The following ANKS1A variants were observed in gnomAD, a reference collection of about 807,000 sequenced individuals.
ANKS1A encodes ankyrin repeat and sterile alpha motif domain containing 1A.
Under a neutral mutation model 120.3 loss-of-function variants are expected in ANKS1A, and 55 were observed. The observed-to-expected ratio is 0.46, with a 90% CI of 0.37 to 0.57. The LOEUF (loss-of-function observed/expected upper bound fraction) is 0.57. Ranked by LOEUF, ANKS1A falls within the 20% of genes least tolerant of loss-of-function variation. The pLI is 0.00. For missense variants in ANKS1A, 1,123 were observed against 1,480.3 expected (o/e 0.76, Z 3.96); for synonymous variants, 590 against 604.7 (o/e 0.98, Z 0.36).
chr6:35,004,331 T>A (rs1316140526), intron 10 of ANKS1A, among the ~76,000 whole-genome samples: 1 of 152,110 alleles, frequency 6.6e-6, no homozygotes, highest in Admixed American at 6.5e-5. Flanking sequence ...TTTTTTAAAT[T>A]ACATTTTTAG....
rs141436461 is a variant in ANKS1A at position 35,081,059 on chromosome 6, G to A, written c.2610G>A (p.Ser870=). The part of the protein sequence containing the change: ...LSQNDSCTGR[S]ADLLLPPGDT... ...AGAATGATTCCTGCACTGGGCGGTCGGCAGATCTGCTGCTGCCTCCAGGGG... is the reference window on the plus strand; with the variant it reads ...AGAATGATTCCTGCACTGGGCGGTCAGCAGATCTGCTGCTGCCTCCAGGGG... Residue 870 remains serine, a synonymous_variant, in exon 17 of 24, where the codon TCG becomes TCA. Coordinates refer to ENST00000360359, the MANE Select transcript of ANKS1A (RefSeq NM_015245.3). The A allele has an allele frequency of 6.7e-5, 108 of 1,614,010 alleles. 1 individual carries two copies. The African/African-American group carries it at 7.3e-4, about 11-fold the overall frequency.
intron 13 of ANKS1A, among the ~76,000 whole-genome samples, chr6:35,066,981 T>G (rs80356191): frequency 0.027 from 4,054 of 152,134 alleles, 65 homozygotes; most frequent in Middle Eastern, 0.058. Flanking sequence ...GGCAGGCGGT[T>G]CCACTCTTGT....
intron 8 of ANKS1A, 105 bp downstream of exon 8, chr6:34,985,383 G>A (rs1772141935): frequency 4.2e-6 from 5 of 1,181,988 alleles, no homozygotes; most frequent in Admixed American, 4.9e-5. Context: ...GCCAGCTCAT[G>A]TTTCCGGGGC....
Position 35,090,234 on chromosome 6 carries a change from T to G in ANKS1A, c.*1625T>G, listed in dbSNP as rs867135958. ...CATTTCCTGCCCCTTTCAGGGCCTG[T>G]GAGGATGCCCATGAGCTACCGCTGT... On this transcript the variant is annotated 3_prime_UTR_variant, in exon 24 of 24. Coordinates refer to ENST00000360359, the MANE Select transcript of ANKS1A (RefSeq NM_015245.3). 2.3e-6 allele frequency: 3 copies of G among 1,289,640 alleles called. No individual in the cohort carries two copies. The African/African-American group carries it at 4.5e-5, about 20-fold the overall frequency. 79.9% of individuals were successfully genotyped at this position (1,289,640 alleles called of 1,614,324 possible). A position where few individuals can be genotyped will look rare whatever the true frequency, so the allele number is the denominator to read the frequency against.
intron 10 of ANKS1A, among the ~76,000 whole-genome samples, chr6:34,998,676 A>AC (rs80034257): frequency 1.3e-5 from 2 of 151,422 alleles, no homozygotes; most frequent in African/African-American, 4.9e-5. Context: ...TCTCACACGG[A>AC]CCCCCCTTAG....
At chr6:34,921,741 A>G (rs1396198222) in intron 1 of ANKS1A, among the ~76,000 whole-genome samples, 2 of 152,246 alleles carry the variant, frequency 1.3e-5, no homozygotes, top group African/African-American at 2.4e-5. Context: ...TTTGTCATCC[A>G]GGCTGGAGTG....
intron 11 of ANKS1A, among the ~76,000 whole-genome samples, chr6:35,052,709 A>G (rs977874655): frequency 2.0e-5 from 3 of 151,892 alleles, no homozygotes; most frequent in Non-Finnish European, 2.9e-5. Context: ...CCCCTGCTGA[A>G]GGAGGCAGCA....
chr6:35,040,011 C>T lies in ANKS1A; in HGVS notation c.2011-14088C>T, dbSNP rs1012544277. 7.2e-5 allele frequency among the ~76,000 whole-genome samples: 11 copies of T among 152,310 alleles called. No homozygotes were observed. The East Asian group carries it at 1.7e-3, about 24-fold the overall frequency. ...ATCTCCCTCTTCTATATAAACCCTACCCTCATGAATTCCTCTAACCCTAAT... is the reference window on the plus strand; with the variant it reads ...ATCTCCCTCTTCTATATAAACCCTATCCTCATGAATTCCTCTAACCCTAAT... On this transcript the variant is annotated intron_variant, in intron 11 of 23. Coordinates refer to ENST00000360359, the MANE Select transcript of ANKS1A (RefSeq NM_015245.3).
chr6:34,903,346 A>G (rs561237142), intron 1 of ANKS1A, among the ~76,000 whole-genome samples: 1 of 149,396 alleles, frequency 6.7e-6, no homozygotes, highest in South Asian at 2.1e-4. Flanking sequence ...ATGTAGAAAA[A>G]CTTTTTTTTT....
intron 10 of ANKS1A, among the ~76,000 whole-genome samples, chr6:34,995,277 G>A (rs961620809): frequency 6.6e-6 from 1 of 152,200 alleles, no homozygotes; most frequent in South Asian, 2.1e-4. Context: ...GAGAATGTGT[G>A]CATATGCGTA....
intron 1 of ANKS1A, among the ~76,000 whole-genome samples, chr6:34,903,830 T>A (rs1581670019): frequency 6.6e-6 from 1 of 152,040 alleles, no homozygotes; most frequent in Non-Finnish European, 1.5e-5. Context: ...GCCTAATTTT[T>A]AATTTTTTTA....
chr6:34,976,823 G>T (rs1443977414), intron 3 of ANKS1A, among the ~76,000 whole-genome samples: 1 of 151,812 alleles, frequency 6.6e-6, no homozygotes, highest in Non-Finnish European at 1.5e-5. Context: ...TGTCACTGAT[G>T]AAATATTTGA....
At chr6:35,001,906 G>C (rs1773190762) in intron 10 of ANKS1A, among the ~76,000 whole-genome samples, 1 of 152,170 alleles carries the variant, frequency 6.6e-6, no homozygotes, top group African/African-American at 2.4e-5. Context: ...TCTCTCAAAA[G>C]AATTAGACAG....
At chr6:35,097,985 T>C in the ANKS1A span, among the ~76,000 whole-genome samples, 2 of 152,262 alleles carry the variant, frequency 1.3e-5, no homozygotes, top group Admixed American at 1.3e-4. Flanking sequence ...AAGCGTAAGT[T>C]GGATGCAACC....
Position 34,889,954 on chromosome 6 carries a change from A to G in ANKS1A, c.197+355A>G, listed in dbSNP as rs1171558105. On this transcript the variant is annotated intron_variant, in intron 1 of 23. Coordinates refer to ENST00000360359, the MANE Select transcript of ANKS1A (RefSeq NM_015245.3). This position sits in a 1 kb window ranked among gnomAD's most constrained non-coding sequence, Gnocchi z 5.5. The stretch of plus-strand genomic sequence containing the variant: ...GAGCAAATATGTATATCTTATATAT[A>G]TATATATGAGATCTCCCTCACCTCC... 6.6e-6 allele frequency among the ~76,000 whole-genome samples: 1 copy of G among 152,120 alleles called. No homozygotes were observed. The highest frequency in any genetic ancestry group is 1.5e-5 in the Non-Finnish European group (1 of 68,014).
chr6:35,046,649 T>C (rs144618151), intron 11 of ANKS1A, among the ~76,000 whole-genome samples: 258 of 152,310 alleles, frequency 1.7e-3, no homozygotes, highest in African/African-American at 5.5e-3. Flanking sequence ...TTAGCAATCA[T>C]GTTATTTTTT....
At chr6:35,083,017 T>C (rs1770034932) in intron 18 of ANKS1A, 138 bp from the exon 19 acceptor site, 1 of 1,276,600 alleles carries the variant, frequency 7.8e-7, no homozygotes, top group East Asian at 2.5e-5. Context: ...ATGGAGGGTC[T>C]CTCCAGCTGG....
At chr6:34,928,718 G>A (rs886566642) in intron 1 of ANKS1A, among the ~76,000 whole-genome samples, 2 of 152,196 alleles carry the variant, frequency 1.3e-5, no homozygotes, top group Non-Finnish European at 2.9e-5. Flanking sequence ...GGTTATTGGC[G>A]TGGCTGGGAT....
At chr6:35,087,823 G>C (rs551853453) in intron 23 of ANKS1A, among the ~76,000 whole-genome samples, 1 of 152,344 alleles carries the variant, frequency 6.6e-6, no homozygotes, top group South Asian at 2.1e-4. Context: ...AGGTGTCTCA[G>C]TCCTGATGGG....
Sources: allele counts gnomAD v4.1 joint callset (sites outside exome capture counted in the v4.1 genomes callset), GRCh38; gene constraint gnomAD v4.1.1; non-coding constraint Gnocchi (gnomAD v3.1); transcripts MANE v1.5; gene names NCBI Gene and HGNC (gene_info 2026-07-23, HGNC 2026-07-21).